Variants in ERMAP observed in about 807,000 individuals in gnomAD.
ERMAP encodes erythroblast membrane associated protein (Scianna blood group).
In ERMAP, 34 loss-of-function variants were observed where a neutral mutation model predicts 49.5. The ratio of observed to expected loss-of-function variants is 0.69; its 90% CI spans 0.52 to 0.91. ERMAP has a LOEUF of 0.91. Ranked by LOEUF, ERMAP falls within the 40% of genes least tolerant of loss-of-function variation. ERMAP has a pLI of 0.00. For missense variants in ERMAP, 541 were observed against 582.6 expected, an observed-to-expected ratio of 0.93 and a Z score of 0.74; for synonymous variants, 214 against 232.2, an observed-to-expected ratio of 0.92 and a Z score of 0.71.
chr1:42,825,582 T>C (rs1229293997), intron 1 of ERMAP, 41 bp from the exon 2 acceptor site: 3 of 1,266,740 alleles, frequency 2.4e-6, no homozygotes, highest in Non-Finnish European at 3.1e-6. Context: ...TGGCCTCTCA[T>C]ATTTCATAAA....
At chr1:42,830,225 G>A (rs1444993178) in intron 2 of ERMAP, 1 of 568,910 alleles carries the variant, frequency 1.8e-6, no homozygotes, top group African/African-American at 1.9e-5. Context: ...CCACAAGGAG[G>A]CACAGTTCTT....
chr1:42,835,037 GC>G lies in ERMAP; in HGVS notation c.437del (p.Pro146HisfsTer15). 7.9e-7 allele frequency: 1 copy of G among 1,271,448 alleles called. No individual in the cohort carries two copies. The highest frequency in any genetic ancestry group is 1.2e-6 in the Non-Finnish European group (1 of 867,106). 78.8% of individuals were successfully genotyped at this position (1,271,448 alleles called of 1,614,324 possible). A position where few individuals can be genotyped will look rare whatever the true frequency, so the allele number is the denominator to read the frequency against. ...TCAGTCGTTGGTGGTTTCTGTTTCA[GC>G]CCCATCTGTGGGGAGTCTCTCCCCC... ...KEDTVILQVA[A>X]PSVGSLSPSA... On this transcript the variant is annotated frameshift_variant and splice_region_variant, in exon 5 of 12. Transcript: ENST00000372517. LOFTEE classifies it high-confidence loss of function.
At chr1:42,831,896 C>T (rs766981204) in intron 4 of ERMAP, among the ~76,000 whole-genome samples, 1 of 151,934 alleles carries the variant, frequency 6.6e-6, no homozygotes, top group African/African-American at 2.4e-5. Flanking sequence ...CTCAAACTAG[C>T]TTCAATATTT....
At chr1:42,817,290 C>T (rs775964209) in intron 1 of ERMAP, 37 bp downstream of exon 1, 125 of 1,213,394 alleles carry the variant, frequency 1.0e-4, no homozygotes, top group Non-Finnish European at 1.3e-4. Context: ...GGACCCAGCG[C>T]TGCCTGCCCA....
At chr1:42,838,028 T>C (rs1654952011) in intron 7 of ERMAP, 1 of 152,228 alleles carries the variant, frequency 6.6e-6, no homozygotes, top group Admixed American at 6.5e-5. Context: ...CCTGCCTCCT[T>C]GGTCACTTAC....
intron 6 of ERMAP, among the ~76,000 whole-genome samples, chr1:42,836,655 A>G (rs1047838991): frequency 6.6e-6 from 1 of 152,162 alleles, no homozygotes; most frequent in Non-Finnish European, 1.5e-5. Context: ...CGGGAGTTCA[A>G]GCCCAGCCTG....
rs140788833 is a variant in ERMAP at position 42,832,974 on chromosome 1, G to A, written c.433+1859G>A. Among the ~76,000 whole-genome samples, 52 of 152,350 alleles carry A rather than the reference G, an allele frequency of 3.4e-4. 1 individual carries two copies. In the East Asian group the frequency reaches 0.01, roughly 29 times the overall value. On this transcript the variant is annotated intron_variant, in intron 4 of 11. Coordinates refer to ENST00000372517, the MANE Select transcript of ERMAP (RefSeq NM_001017922.2). The stretch of plus-strand genomic sequence containing the variant: ...GCCAAGTGGAGAGAACCTCAAGGCA[G>A]GGTACTTCCATCCCTGTCAGAGGCC...
At chr1:42,838,340 G>A (rs559181832) in intron 7 of ERMAP, among the ~76,000 whole-genome samples, 4 of 152,248 alleles carry the variant, frequency 2.6e-5, no homozygotes, top group African/African-American at 9.6e-5. Context: ...CAATTGTCTA[G>A]CAGGGCCAAT....
At chr1:42,838,732 G>A (rs1284419368) in intron 7 of ERMAP, among the ~76,000 whole-genome samples, 169 bp from the exon 8 acceptor site, 1 of 152,192 alleles carries the variant, frequency 6.6e-6, no homozygotes, top group Non-Finnish European at 1.5e-5. Context: ...AGTGTCACCA[G>A]CACCATCAGA....
chr1:42,829,734 T>C (rs1654658189), intron 2 of ERMAP, among the ~76,000 whole-genome samples: 1 of 152,234 alleles, frequency 6.6e-6, no homozygotes, highest in Admixed American at 6.5e-5. Flanking sequence ...AGTATCTTTT[T>C]GAACCCTCAC....
At chr1:42,837,300 C>A in intron 7 of ERMAP, 110 bp downstream of exon 7, 1 of 1,158,130 alleles carries the variant, frequency 8.6e-7, no homozygotes. Flanking sequence ...ACTGTACACA[C>A]ATGCACACAT....
Position 42,830,735 on chromosome 1 carries a change from C to T in ERMAP, c.86-33C>T, listed in dbSNP as rs755662659. 12 of 1,496,416 alleles carry T rather than the reference C, an allele frequency of 8.0e-6. No individual in the cohort carries two copies. The African/African-American group carries it at 1.3e-4, about 16-fold the overall frequency. The allele number at this position is 1,496,416 out of a possible 1,614,324, so 92.7% of individuals were successfully genotyped here. On this transcript the variant is annotated intron_variant, in intron 3 of 11. Coordinates refer to ENST00000372517, the MANE Select transcript of ERMAP (RefSeq NM_001017922.2). ...CTTCCCAAGCTTTCTCCTGCCGTCC[C>T]TCCCAGTTGGCCTTGTCTCTTTTTT... is the stretch of plus-strand genomic sequence containing the variant.
intron 7 of ERMAP, among the ~76,000 whole-genome samples, chr1:42,837,515 G>A (rs139186956): frequency 6.6e-6 from 1 of 152,158 alleles, no homozygotes; most frequent in Non-Finnish European, 1.5e-5. Context: ...GGGATATATG[G>A]GAATTTCAAG....
chr1:42,817,214 T>C lies in ERMAP; in HGVS notation c.-161T>C. 1.6e-6 allele frequency: 2 copies of C among 1,256,342 alleles called. No homozygotes were observed. The highest frequency in any genetic ancestry group is 2.1e-6 in the Non-Finnish European group (2 of 974,114). 77.8% of individuals were successfully genotyped at this position (1,256,342 alleles called of 1,614,324 possible). ...CCTTTCCCGACCGGGCCACTGGAAG[T>C]TGGAGCCTCCGCCGAGTCGCAGACA... On this transcript the variant is annotated 5_prime_UTR_variant, in exon 1 of 12. Transcript: ENST00000372517.
At position 42,835,109 on chromosome 1, in the gene ERMAP, A is replaced by T. The variant is rs774989891; in HGVS notation, c.505A>T (p.Ile169Phe). 1.9e-6 allele frequency: 3 copies of T among 1,577,772 alleles called. No individual in the cohort carries two copies. The highest frequency in any genetic ancestry group is 2.6e-6 in the Non-Finnish European group (3 of 1,146,820). ...GATCCTGCCTGTCCTGGTACTTCTCATCATGGTGTGCCTTTGCCTTATCTG... is the reference window on the plus strand; with the variant it reads ...GATCCTGCCTGTCCTGGTACTTCTCTTCATGGTGTGCCTTTGCCTTATCTG... Reference protein sequence around the residue: ...AVILPVLVLLIMVCLCLIWKQ... With the variant: ...AVILPVLVLLFMVCLCLIWKQ... The change falls in exon 5 of 12, where the codon ATC becomes TTC. Residue 169 changes from isoleucine to phenylalanine, a missense_variant. Physicochemically the swap from Ile to Phe is conservative, Grantham distance 21. Transcript: ENST00000372517.
chr1:42,819,493 A>G lies in ERMAP; in HGVS notation c.-122+2240A>G, dbSNP rs1654352130. Reference sequence around the variant, plus strand: ...ACCAGTGGACTCTTGGCCAGGCTGCAGAATTTCCTGGTTTGTTGAATGACT... The same window carrying G: ...ACCAGTGGACTCTTGGCCAGGCTGCGGAATTTCCTGGTTTGTTGAATGACT... On this transcript the variant is annotated intron_variant, in intron 1 of 11. Transcript: ENST00000372517. This position sits in a 1 kb window ranked among gnomAD's most constrained non-coding sequence, Gnocchi z 5.1. 6.6e-6 allele frequency among the ~76,000 whole-genome samples: 1 copy of G among 152,168 alleles called. No individual in the cohort carries two copies. Among genetic ancestry groups the G allele is most frequent in the African/African-American group, 2.4e-5 (1 of 41,428 alleles).
In ERMAP at chr1:42,835,136, A is replaced by G; in HGVS notation, c.532A>G (p.Lys178Glu). The stretch of plus-strand genomic sequence containing the variant: ...CATGGTGTGCCTTTGCCTTATCTGG[A>G]AGCAAAGAAGAGCAAAAGGTAATTA... ...LIMVCLCLIW[K>E]QRRAKEKLLY... is the part of the protein sequence containing the mutation. The change falls in exon 5 of 12, where the codon AAG becomes GAG. Residue 178 changes from lysine to glutamate, a missense_variant. Transcript: ENST00000372517. 6.8e-7 allele frequency: 1 copy of G among 1,478,102 alleles called. No homozygotes were observed. Among genetic ancestry groups the G allele is most frequent in the East Asian group, 2.3e-5 (1 of 44,272 alleles). 91.6% of individuals were successfully genotyped at this position (1,478,102 alleles called of 1,614,324 possible).
intron 4 of ERMAP, among the ~76,000 whole-genome samples, chr1:42,832,954 G>C (rs1654790431): frequency 6.6e-6 from 1 of 152,250 alleles, no homozygotes. Flanking sequence ...CCTGGGCCAA[G>C]TGGAGAGAAC....
At chr1:42,841,997 T>A (rs905311847) in intron 11 of ERMAP, 1 of 157,386 alleles carries the variant, frequency 6.4e-6, no homozygotes. Context: ...TACTTCATAG[T>A]ATGGTGATAG....
Sources: gnomAD v4.1 joint callset for allele counts (sites outside exome capture counted in the v4.1 genomes callset) on GRCh38, gnomAD v4.1.1 for gene constraint, Gnocchi (gnomAD v3.1) non-coding constraint, MANE v1.5 for transcripts, NCBI Gene and HGNC (gene_info 2026-07-23, HGNC 2026-07-21) for gene names.